KPNA4: variants seen among roughly 807,000 people sequenced by gnomAD.
KPNA4 encodes the protein importin subunit alpha-3.
A neutral mutation model predicts 71.3 loss-of-function variants in KPNA4; 13 were observed. The observed-to-expected ratio is 0.18, with a 90% CI of 0.12 to 0.29. The LOEUF is 0.29. Among genes scored for constraint, KPNA4 ranks in the 10% least tolerant of loss-of-function variants. The pLI is 1.00. For missense variants in KPNA4, 334 were observed against 603.2 expected (o/e 0.55, Z 4.67); for synonymous variants, 189 against 195.2 (o/e 0.97, Z 0.26).
rs565597839 is a variant in KPNA4 at position 160,522,461 on chromosome 3, CT to C, written c.772-552del. Among the ~76,000 whole-genome samples the C allele has an allele frequency of 7.5e-3, 1,098 of 146,332 alleles. 4 individuals carry two copies. Among genetic ancestry groups the C allele is most frequent in the Middle Eastern group, 0.011 (3 of 280 alleles). On this transcript the variant is annotated intron_variant, in intron 10 of 16. Coordinates refer to ENST00000334256, the MANE Select transcript of KPNA4 (RefSeq NM_002268.5). ...TTTTGCCTTACAGAACTGGAGACAA[CT>C]TTTTTTTTTTTTTGAGACGGAGTCT...
In KPNA4 at chr3:160,515,403, T is replaced by G. The variant is rs374433810; in HGVS notation, c.1032+49A>C. 1.2e-5 allele frequency: 17 copies of G among 1,463,334 alleles called. No homozygotes were observed. The African/African-American group carries it at 2.4e-4, about 21-fold the overall frequency. 90.6% of individuals were successfully genotyped at this position (1,463,334 alleles called of 1,614,324 possible). A position where few individuals can be genotyped will look rare whatever the true frequency, so the allele number is the denominator to read the frequency against. Reference sequence around the variant, plus strand: ...AGACTCTAATTTTACAAATAGAAACTGTTAACATTTTAAGTGCTATCTATT... The same window carrying G: ...AGACTCTAATTTTACAAATAGAAACGGTTAACATTTTAAGTGCTATCTATT... On this transcript the variant is annotated intron_variant, in intron 12 of 16. Coordinates refer to ENST00000334256, the MANE Select transcript of KPNA4 (RefSeq NM_002268.5).
Position 160,526,023 on chromosome 3 carries a change from A to G in KPNA4, c.641T>C (p.Ile214Thr). The G allele has an allele frequency of 6.2e-7, 1 of 1,603,088 alleles. No homozygotes were observed. Among genetic ancestry groups the G allele is most frequent in the Non-Finnish European group, 8.5e-7 (1 of 1,175,594 alleles). ...LLSFISPSIP[I>T]TFLRNVTWVM... is the part of the protein sequence containing the mutation. The stretch of plus-strand genomic sequence containing the variant: ...CCAAGTAACATTTCTTAAGAATGTT[A>G]TAGGAATAGATGGACTTATGAAGGA... Residue 214 changes from isoleucine to threonine, a missense_variant, in exon 9 of 17, where the codon ATA (isoleucine) becomes ACA (threonine). Ile to Thr is a moderately conservative substitution (Grantham distance 89). Coordinates refer to ENST00000334256, the MANE Select transcript of KPNA4 (RefSeq NM_002268.5).
intron 1 of KPNA4, among the ~76,000 whole-genome samples, chr3:160,544,874 T>C (rs908902802): frequency 6.6e-6 from 1 of 152,242 alleles, no homozygotes; most frequent in Middle Eastern, 3.2e-3. Flanking sequence ...TTTCCTTCTA[T>C]GTTATAAGAA....
At chr3:160,530,717 TA>T (rs1721557147) in intron 7 of KPNA4, 137 bp downstream of exon 7, 1 of 593,220 alleles carries the variant, frequency 1.7e-6, no homozygotes, top group Non-Finnish European at 3.0e-6. Flanking sequence ...GTAACATACT[TA>T]AGTTGACCTA....
In KPNA4 at chr3:160,526,084, A is replaced by C; in HGVS notation, c.580T>G (p.Tyr194Asp). ...IIGDGPQCRD[Y>D]VISLGVVKPL... ...TTCACAACTCCAAGACTTATGACAT[A>C]ATCTCTACACTGGGGCCCATCACCT... Residue 194 changes from tyrosine to aspartate, a missense_variant, in exon 9 of 17, where the codon TAT (tyrosine) becomes GAT (aspartate). Coordinates refer to ENST00000334256, the MANE Select transcript of KPNA4 (RefSeq NM_002268.5). 25 of 1,578,850 alleles carry C rather than the reference A, an allele frequency of 1.6e-5. No homozygotes were observed. Among genetic ancestry groups the C allele is most frequent in the Non-Finnish European group, 2.1e-5 (25 of 1,165,948 alleles).
At chr3:160,521,721 C>CAT (rs1721352613) in intron 11 of KPNA4, 58 bp downstream of exon 11, 1 of 1,495,616 alleles carries the variant, frequency 6.7e-7, no homozygotes, top group Non-Finnish European at 9.2e-7. Flanking sequence ...CTTTGAATGC[C>CAT]ATGCTTAAAG....
At position 160,543,910 on chromosome 3, in the gene KPNA4, T is replaced by C. The variant is rs891387221; in HGVS notation, c.70-7070A>G. Among the ~76,000 whole-genome samples the C allele has an allele frequency of 2.6e-5, 4 of 152,164 alleles. No individual in the cohort carries two copies. In the Middle Eastern group the frequency reaches 0.01, roughly 388 times the overall value. On this transcript the variant is annotated intron_variant, in intron 1 of 16. Transcript: ENST00000334256. Reference sequence around the variant, plus strand: ...TTCGCTCTTGCTGCCCAGGCTGCAGTGCAATGGCGCGATCTCAGCTCACTG... The same window carrying C: ...TTCGCTCTTGCTGCCCAGGCTGCAGCGCAATGGCGCGATCTCAGCTCACTG...
At position 160,551,133 on chromosome 3, in the gene KPNA4, G is replaced by C. The variant is rs149042262; in HGVS notation, c.69+14081C>G. ...AATGATCCTGGGCTTTTCTTTGTTG[G>C]GAGATTTTAAATCTCCTTACTACTT... On this transcript the variant is annotated intron_variant, in intron 1 of 16. Transcript: ENST00000334256. Among the ~76,000 whole-genome samples the C allele has an allele frequency of 7.0e-4, 107 of 152,114 alleles. 2 individuals are homozygous for C. In the East Asian group the frequency reaches 0.02, roughly 28 times the overall value.
Position 160,535,574 on chromosome 3 carries a change from A to G in KPNA4, c.235-9T>C. The G allele has an allele frequency of 6.3e-7, 1 of 1,589,468 alleles. No individual in the cohort carries two copies. The highest frequency in any genetic ancestry group is 8.6e-7 in the Non-Finnish European group (1 of 1,166,042). On this transcript the variant is annotated splice_polypyrimidine_tract_variant and intron_variant, in intron 4 of 16. Coordinates refer to ENST00000334256, the MANE Select transcript of KPNA4 (RefSeq NM_002268.5). Reference sequence around the variant, plus strand: ...TTATCACTTGAAGCATTCTATAAAAAATAAAATAATTTATGATGTAAATAT... The same window carrying G: ...TTATCACTTGAAGCATTCTATAAAAGATAAAATAATTTATGATGTAAATAT...
intron 1 of KPNA4, among the ~76,000 whole-genome samples, chr3:160,541,645 A>ATG (rs773576035): frequency 1.6e-5 from 2 of 124,042 alleles, no homozygotes; most frequent in African/African-American, 6.6e-5. Flanking sequence ...AAAGTTATAT[A>ATG]CGCGCACACA....
chr3:160,540,724 G>C (rs1267105058), intron 1 of KPNA4, among the ~76,000 whole-genome samples: 1 of 152,196 alleles, frequency 6.6e-6, no homozygotes, highest in African/African-American at 2.4e-5. Context: ...GATGCAGTAA[G>C]CAGTGGTGTC....
At chr3:160,512,928 C>T (rs575799318) in intron 13 of KPNA4, among the ~76,000 whole-genome samples, 1 of 152,254 alleles carries the variant, frequency 6.6e-6, no homozygotes, top group South Asian at 2.1e-4. Context: ...TTTTGCAACT[C>T]CTAGTAAAAC....
At chr3:160,520,414 G>A (rs1191599579) in intron 11 of KPNA4, among the ~76,000 whole-genome samples, 1 of 151,084 alleles carries the variant, frequency 6.6e-6, no homozygotes, top group Non-Finnish European at 1.5e-5. Flanking sequence ...ACCATGCCTG[G>A]CTAATTTTTT....
chr3:160,564,208 G>A (rs1047915783), intron 1 of KPNA4: 9 of 152,154 alleles, frequency 5.9e-5, no homozygotes, highest in South Asian at 2.1e-4. Context: ...GTATGCGTGT[G>A]TGCATGTGTG....
At chr3:160,563,374 G>A (rs533483379) in intron 1 of KPNA4, among the ~76,000 whole-genome samples, 1 of 152,178 alleles carries the variant, frequency 6.6e-6, no homozygotes, top group Admixed American at 6.5e-5. Flanking sequence ...CTGGGGCTGG[G>A]GTAGTTGGGA....
chr3:160,526,903 A>G (rs1187256580), intron 8 of KPNA4, among the ~76,000 whole-genome samples: 1 of 152,242 alleles, frequency 6.6e-6, no homozygotes, highest in Non-Finnish European at 1.5e-5. Context: ...TAAATCTAAC[A>G]TTTGGTATAA....
At chr3:160,559,451 C>T (rs892650211) in intron 1 of KPNA4, among the ~76,000 whole-genome samples, 2 of 152,104 alleles carry the variant, frequency 1.3e-5, no homozygotes, top group African/African-American at 4.8e-5. Flanking sequence ...ACGTGCATAA[C>T]TCAGTGACAT....
At chr3:160,552,669 T>C (rs1328241772) in intron 1 of KPNA4, among the ~76,000 whole-genome samples, 2 of 152,106 alleles carry the variant, frequency 1.3e-5, no homozygotes, top group African/African-American at 4.8e-5. Flanking sequence ...GTAAATGACT[T>C]TGAAGCGAGA....
chr3:160,552,460 A>T (rs748864936), intron 1 of KPNA4, among the ~76,000 whole-genome samples: 2 of 152,188 alleles, frequency 1.3e-5, no homozygotes, highest in East Asian at 3.8e-4. Flanking sequence ...TCAAATATTT[A>T]CTTAAATGCT....
Sources: gnomAD v4.1 joint callset for allele counts (sites outside exome capture counted in the v4.1 genomes callset) on GRCh38, gnomAD v4.1.1 for gene constraint, MANE v1.5 for transcripts, NCBI Gene and HGNC (gene_info 2026-07-23, HGNC 2026-07-21) for gene names.